The following BANK1 variants were observed in gnomAD, a reference collection of about 807,000 sequenced individuals.
The protein encoded by BANK1 is B cell scaffold protein with ankyrin repeats 1.
A neutral mutation model predicts 94.5 loss-of-function variants in BANK1; 95 were observed. That is an observed-to-expected ratio of 1.00 (90% CI 0.85 to 1.19). The LOEUF (loss-of-function observed/expected upper bound fraction) is 1.19. Among genes scored for constraint, BANK1 ranks in the 50% most tolerant of loss-of-function variants. BANK1 has a pLI of 0.00. For synonymous variants in BANK1, 334 were observed against 308.4 expected (o/e 1.08, Z -0.87); for missense variants, 987 against 932.2 (o/e 1.06, Z -0.77).
chr4:102,056,452 A>G (rs1208424850), intron 11 of BANK1, among the ~76,000 whole-genome samples: 2 of 151,656 alleles, frequency 1.3e-5, no homozygotes, highest in Admixed American at 1.3e-4. Flanking sequence ...ATTAAAAACC[A>G]TTTTTCAAAG....
rs935946328 is a variant in BANK1 at position 102,030,210 on chromosome 4, A to C, written c.1845A>C (p.Thr615=). ...TTATAAATAGACCTCCTGCCCCCAC[A>C]CCCCGACCCACAAGTATACCTCCAA... ...SFIINRPPAP[T]PRPTSIPPKE... is the part of the protein sequence containing the mutation. The change falls in exon 10 of 17, where the codon ACA becomes ACC. Residue 615 remains threonine (T), a synonymous_variant. Coordinates refer to ENST00000322953, the MANE Select transcript of BANK1 (RefSeq NM_017935.5). The C allele has an allele frequency of 2.5e-6, 4 of 1,612,314 alleles. No homozygotes were observed. Among genetic ancestry groups the C allele is most frequent in the Non-Finnish European group, 3.4e-6 (4 of 1,179,510 alleles).
chr4:102,016,884 GGATAA>G (rs1238135868), intron 7 of BANK1, among the ~76,000 whole-genome samples: 1 of 152,054 alleles, frequency 6.6e-6, no homozygotes, highest in East Asian at 1.9e-4. Flanking sequence ...GCAGCAGAGA[GGATAA>G]GATGACTCTT....
At chr4:101,911,092 A>G (rs1034585169) in intron 6 of BANK1, among the ~76,000 whole-genome samples, 1 of 152,200 alleles carries the variant, frequency 6.6e-6, no homozygotes, top group Non-Finnish European at 1.5e-5. Flanking sequence ...TTAAATCTCC[A>G]CTTTACAGAT....
intron 11 of BANK1, among the ~76,000 whole-genome samples, chr4:102,058,168 C>T (rs925731146): frequency 1.3e-5 from 2 of 151,978 alleles, no homozygotes; most frequent in African/African-American, 2.4e-5. Context: ...GTCCTTCCAG[C>T]CAGTCTCCTA....
chr4:101,847,046 C>T (rs1727275863), intron 2 of BANK1, among the ~76,000 whole-genome samples: 1 of 152,116 alleles, frequency 6.6e-6, no homozygotes. Context: ...CGTTTGCCTC[C>T]CCTCATTAGA....
chr4:101,790,873 C>A lies in BANK1; in HGVS notation c.-8C>A. 6.5e-7 allele frequency: 1 copy of A among 1,538,390 alleles called. No individual in the cohort carries two copies. The highest frequency in any genetic ancestry group is 8.7e-7 in the Non-Finnish European group (1 of 1,146,646). ...CAGTGCGCAGGCCCCTCGGCTTCAA[C>A]CGCCACAATGCTGCCAGCAGCGCCA... On this transcript the variant is annotated 5_prime_UTR_variant, in exon 1 of 17. Transcript: ENST00000322953.
chr4:101,943,011 T>C (rs1035143583), intron 7 of BANK1, among the ~76,000 whole-genome samples: 1 of 151,820 alleles, frequency 6.6e-6, no homozygotes. Context: ...TACCTCTAAA[T>C]TGAATTCCAA....
intron 6 of BANK1, among the ~76,000 whole-genome samples, chr4:101,904,887 A>G (rs1314782188): frequency 6.6e-6 from 1 of 152,238 alleles, no homozygotes; most frequent in Non-Finnish European, 1.5e-5. Flanking sequence ...CTGTAGAGAA[A>G]TGATTGAAAT....
intron 7 of BANK1, among the ~76,000 whole-genome samples, chr4:101,998,372 G>T (rs1413072115): frequency 2.0e-5 from 3 of 152,164 alleles, no homozygotes; most frequent in Non-Finnish European, 4.4e-5. Context: ...GCGGTGTGGT[G>T]CTGAGAAGAA....
At chr4:102,063,680 G>A (rs757390574) in intron 13 of BANK1, among the ~76,000 whole-genome samples, 2 of 151,732 alleles carry the variant, frequency 1.3e-5, no homozygotes, top group African/African-American at 2.4e-5. Flanking sequence ...AAATTAGCCG[G>A]CCATGATGGT....
At chr4:101,882,158 G>A (rs1365968473) in intron 5 of BANK1, among the ~76,000 whole-genome samples, 2 of 152,072 alleles carry the variant, frequency 1.3e-5, no homozygotes, top group East Asian at 3.9e-4. Flanking sequence ...CACGTTGTAT[G>A]CCTGTATCAA....
At position 102,003,487 on chromosome 4, in the gene BANK1, C is replaced by T. The variant is rs530683800; in HGVS notation, c.1207-18027C>T. Among the ~76,000 whole-genome samples, 4 of 152,252 alleles carry T rather than the reference C, an allele frequency of 2.6e-5. No homozygotes were observed. The East Asian group carries it at 7.7e-4, about 29-fold the overall frequency. ...GTGAACCAGGGACTCTATTTCTCTC[C>T]ATGTGGTGAGGCTGTACCTTTTCCT... On this transcript the variant is annotated intron_variant, in intron 7 of 16. Transcript: ENST00000322953.
In BANK1 at chr4:101,790,905, G is replaced by A; in HGVS notation, c.25G>A (p.Gly9Arg). The stretch of plus-strand genomic sequence containing the variant: ...AATGCTGCCAGCAGCGCCAGGCAAG[G>A]GGCTTGGGAGCCCGGACCCCGCCCC... MLPAAPGK[G>R]LGSPDPAPCG... Residue 9 changes from glycine to arginine, a missense_variant, in exon 1 of 17, where the codon GGG becomes AGG. Physicochemically the swap from Gly to Arg is moderately radical, Grantham distance 125. Coordinates refer to ENST00000322953, the MANE Select transcript of BANK1 (RefSeq NM_017935.5). 3 of 1,538,272 alleles carry A rather than the reference G, an allele frequency of 2.0e-6. No individual in the cohort carries two copies. The highest frequency in any genetic ancestry group is 2.6e-6 in the Non-Finnish European group (3 of 1,146,802).
At chr4:101,803,132 A>G (rs552827027) in intron 1 of BANK1, among the ~76,000 whole-genome samples, 2 of 152,360 alleles carry the variant, frequency 1.3e-5, no homozygotes, top group African/African-American at 4.8e-5. Flanking sequence ...TGATAGAGAA[A>G]TAAGTTCTTT....
chr4:101,816,143 G>A (rs1333810581), intron 1 of BANK1, among the ~76,000 whole-genome samples: 4 of 152,218 alleles, frequency 2.6e-5, no homozygotes, highest in South Asian at 4.1e-4. Flanking sequence ...AGTTTTCAGT[G>A]GGCATTTGTT....
intron 5 of BANK1, among the ~76,000 whole-genome samples, chr4:101,878,767 A>G (rs1728577354): frequency 6.6e-6 from 1 of 152,180 alleles, no homozygotes; most frequent in Non-Finnish European, 1.5e-5. Context: ...TCTGACCACA[A>G]TGGAGTAAAA....
intron 6 of BANK1, among the ~76,000 whole-genome samples, chr4:101,900,113 A>T (rs1722223582): frequency 6.6e-6 from 1 of 152,170 alleles, no homozygotes; most frequent in African/African-American, 2.4e-5. Flanking sequence ...CAATTAGAAC[A>T]CCTTGATGTG....
intron 10 of BANK1, chr4:102,036,743 T>TTGCTCTTTC (rs1727525952): frequency 6.6e-6 from 1 of 152,208 alleles, no homozygotes; most frequent in East Asian, 1.9e-4. Context: ...GTGTTCTTGT[T>TTGCTCTTTC]TGCTCTTTCT....
intron 10 of BANK1, among the ~76,000 whole-genome samples, chr4:102,033,317 A>G (rs948769655): frequency 1.3e-5 from 2 of 152,196 alleles, no homozygotes; most frequent in African/African-American, 4.8e-5. Flanking sequence ...AGGACTGGAG[A>G]AAGAACTTGG....
Sources: gnomAD v4.1 joint callset for allele counts (sites outside exome capture counted in the v4.1 genomes callset) on GRCh38, gnomAD v4.1.1 for gene constraint, MANE v1.5 for transcripts, NCBI Gene and HGNC (gene_info 2026-07-23, HGNC 2026-07-21) for gene names.